The following MCTP2 variants were observed in gnomAD, a reference collection of about 807,000 sequenced individuals.
The protein encoded by MCTP2 is multiple C2 and transmembrane domain containing 2.
MCTP2 carries 132 observed loss-of-function variants against 111.6 expected under a neutral mutation model. That is an observed-to-expected ratio of 1.18 (90% CI 1.03 to 1.37). MCTP2 has a LOEUF of 1.37. MCTP2 is among the 40% of genes most tolerant of loss of function. The pLI is 0.00. For synonymous variants in MCTP2, 395 were observed against 387.7 expected (o/e 1.02, Z -0.22); for missense variants, 1,183 against 1,067.9 (o/e 1.11, Z -1.50).
At chr15:94,430,289 C>T (rs1368388213) in intron 17 of MCTP2, among the ~76,000 whole-genome samples, 1 of 151,956 alleles carries the variant, frequency 6.6e-6, no homozygotes, top group African/African-American at 2.4e-5. Context: ...AACTCCTGTT[C>T]CTTTTTCACT....
At position 94,440,254 on chromosome 15, in the gene MCTP2, A is replaced by T. The variant is rs2083703621; in HGVS notation, c.2164A>T (p.Ile722Phe). 6.2e-7 allele frequency: 1 copy of T among 1,614,034 alleles called. No individual in the cohort carries two copies. The highest frequency in any genetic ancestry group is 1.3e-5 in the African/African-American group (1 of 74,916). Residue 722 changes from isoleucine (I) to phenylalanine (F), a missense_variant, in exon 18 of 23, where the codon ATC (isoleucine) becomes TTC (phenylalanine). Transcript: ENST00000357742. Reference sequence around the variant, plus strand: ...GTTGCTGATCTTTGTCTACAATTTCATCAGACCTGTGAAAGGCAAGGTCAG... The same window carrying T: ...GTTGCTGATCTTTGTCTACAATTTCTTCAGACCTGTGAAAGGCAAGGTCAG... ...ALLLIFVYNF[I>F]RPVKGKVSSI...
intron 14 of MCTP2, among the ~76,000 whole-genome samples, chr15:94,390,066 A>ACATATATATATATATATATATGTG (rs1567602037): frequency 3.3e-4 from 4 of 12,036 alleles, no homozygotes; most frequent in African/African-American, 7.1e-4. Context: ...ATATATATAT[A>ACATATATATATATATATATATGTG]TATATATATA....
chr15:94,373,213 G>A (rs1025257402), intron 12 of MCTP2, among the ~76,000 whole-genome samples: 16 of 152,132 alleles, frequency 1.1e-4, no homozygotes, highest in Non-Finnish European at 1.6e-4. Context: ...CAAATTAGAA[G>A]GATATTCCCT....
intron 19 of MCTP2, among the ~76,000 whole-genome samples, chr15:94,454,092 G>GA (rs1397990618): frequency 6.6e-6 from 1 of 152,056 alleles, no homozygotes; most frequent in African/African-American, 2.4e-5. Flanking sequence ...AGAGAACTTT[G>GA]TGAAATTATT....
chr15:94,306,228 G>A (rs1474855059), intron 2 of MCTP2, among the ~76,000 whole-genome samples: 3 of 152,214 alleles, frequency 2.0e-5, no homozygotes, highest in African/African-American at 7.2e-5. Context: ...AGTTAAGTTT[G>A]TCTGTGGGGC....
At chr15:94,443,945 A>G (rs1010856393) in intron 19 of MCTP2, among the ~76,000 whole-genome samples, 1 of 145,516 alleles carries the variant, frequency 6.9e-6, no homozygotes, top group East Asian at 2.1e-4. Context: ...GTCAAAGGGA[A>G]GCTAAGTTAA....
chr15:94,268,511 T>A (rs1177149064), intron 1 of MCTP2, among the ~76,000 whole-genome samples: 1 of 152,088 alleles, frequency 6.6e-6, no homozygotes, highest in Non-Finnish European at 1.5e-5. Context: ...TTCTTCTTTT[T>A]CAATCTTTAT....
chr15:94,461,302 A>G (rs1019270767), intron 20 of MCTP2, among the ~76,000 whole-genome samples: 1 of 151,982 alleles, frequency 6.6e-6, no homozygotes, highest in African/African-American at 2.4e-5. Flanking sequence ...TCTACTAAAA[A>G]TACAAAAATT....
chr15:94,382,610 T>A (rs575728247), intron 12 of MCTP2, among the ~76,000 whole-genome samples: 1 of 152,388 alleles, frequency 6.6e-6, no homozygotes, highest in Non-Finnish European at 1.5e-5. Flanking sequence ...TCAGTATCTC[T>A]ATTGATGTGC....
At chr15:94,440,095 C>T (rs2083690793) in intron 17 of MCTP2, 81 bp from the exon 18 acceptor site, 3 of 1,511,838 alleles carry the variant, frequency 2.0e-6, no homozygotes, top group Non-Finnish European at 2.7e-6. Context: ...ATTGAATCTC[C>T]TTACATCAAT....
At chr15:94,409,578 A>G (rs1165997814) in intron 17 of MCTP2, among the ~76,000 whole-genome samples, 2 of 151,990 alleles carry the variant, frequency 1.3e-5, no homozygotes, top group African/African-American at 2.4e-5. Context: ...GAGATACCCT[A>G]CTGAGCTTGA....
chr15:94,318,997 C>T (rs1429017521), intron 4 of MCTP2, among the ~76,000 whole-genome samples: 1 of 150,592 alleles, frequency 6.6e-6, no homozygotes, highest in African/African-American at 2.4e-5. Context: ...TGTGCTGTTT[C>T]AGTCCCCATT....
At chr15:94,316,252 A>G (rs1159145551) in intron 4 of MCTP2, among the ~76,000 whole-genome samples, 2 of 82,526 alleles carry the variant, frequency 2.4e-5, no homozygotes, top group African/African-American at 6.5e-5. Flanking sequence ...TATGTGCATT[A>G]TGTATAATGT....
chr15:94,245,396 ATGTGTGTATATATTTATATAC>A (rs2071817353), intron 1 of MCTP2, among the ~76,000 whole-genome samples: 1 of 52,440 alleles, frequency 1.9e-5, no homozygotes, highest in African/African-American at 6.5e-5. Flanking sequence ...ATTTATATAC[ATGTGTGTATATATTTATATAC>A]ATGTGTGTAT....
chr15:94,447,508 C>T (rs2084189426), intron 19 of MCTP2, among the ~76,000 whole-genome samples: 1 of 152,130 alleles, frequency 6.6e-6, no homozygotes. Context: ...GATTCTCGTG[C>T]CTCCGCCTCT....
chr15:94,394,799 G>GT (rs1385730169), intron 14 of MCTP2, among the ~76,000 whole-genome samples: 1 of 152,044 alleles, frequency 6.6e-6, no homozygotes, highest in Admixed American at 6.6e-5. Context: ...TTAACATTGT[G>GT]TTTTTTCTAT....
chr15:94,307,763 G>C (rs1457130295), intron 2 of MCTP2, among the ~76,000 whole-genome samples: 2 of 152,264 alleles, frequency 1.3e-5, no homozygotes, highest in African/African-American at 4.8e-5. Flanking sequence ...TGGCGCACAG[G>C]CTGATGGGCT....
At chr15:94,344,306 G>A (rs546126917) in intron 7 of MCTP2, among the ~76,000 whole-genome samples, 163 of 152,230 alleles carry the variant, frequency 1.1e-3, no homozygotes, top group Admixed American at 2.4e-3. Flanking sequence ...AAAGTGGATC[G>A]GTCATTTACC....
At chr15:94,305,468 C>T (rs1333911584) in intron 2 of MCTP2, among the ~76,000 whole-genome samples, 3 of 152,162 alleles carry the variant, frequency 2.0e-5, no homozygotes, top group African/African-American at 4.8e-5. Context: ...CCTCCACACA[C>T]ATACACACAC....
Sources: allele counts gnomAD v4.1 joint callset (sites outside exome capture counted in the v4.1 genomes callset), GRCh38; gene constraint gnomAD v4.1.1; transcripts MANE v1.5; gene names NCBI Gene and HGNC (gene_info 2026-07-23, HGNC 2026-07-21).